The following TGFBRAP1 variants were observed in gnomAD, a reference collection of about 807,000 sequenced individuals.
TGFBRAP1 encodes the protein transforming growth factor-beta receptor-associated protein 1.
In TGFBRAP1, 20 loss-of-function variants were observed where a neutral mutation model predicts 83.2. That is an observed-to-expected ratio of 0.24 (90% confidence interval 0.17 to 0.35). The LOEUF (loss-of-function observed/expected upper bound fraction) is 0.35. TGFBRAP1 is among the 10% of genes least tolerant of loss of function. TGFBRAP1 has a pLI of 1.00. For synonymous variants in TGFBRAP1, 415 were observed against 459.8 expected (o/e 0.90, Z 1.25); for missense variants, 950 against 1,099.4 (o/e 0.86, Z 1.92).
At chr2:105,299,386 T>C (rs1678205661) in intron 2 of TGFBRAP1, among the ~76,000 whole-genome samples, 1 of 152,156 alleles carries the variant, frequency 6.6e-6, no homozygotes, top group Non-Finnish European at 1.5e-5. Context: ...ACAAAGTGAC[T>C]TTCAAATAGG....
rs1278043770 is a variant in TGFBRAP1 at position 105,269,971 on chromosome 2, G to GA, written c.1973-267dup. ...TTCCTTTCTCTAGTGTTCAGAGGAT[G>GA]AAAAGAACAAATGAACCACAACTAC... On this transcript the variant is annotated intron_variant, in intron 10 of 11. Transcript: ENST00000393359. The surrounding 1 kb of genome is among the most constrained non-coding windows in gnomAD (Gnocchi z 4.1). Among the ~76,000 whole-genome samples the GA allele has an allele frequency of 1.3e-5, 2 of 152,176 alleles. No individual in the cohort carries two copies. The highest frequency in any genetic ancestry group is 2.9e-5 in the Non-Finnish European group (2 of 68,032).
At position 105,280,461 on chromosome 2, in the gene TGFBRAP1, C is replaced by T. The variant is rs773353392; in HGVS notation, c.1384G>A (p.Asp462Asn). The change falls in exon 6 of 12, where the codon GAC becomes AAC. Residue 462 changes from aspartate to asparagine, a missense_variant. Asp to Asn is a conservative substitution (Grantham distance 23, BLOSUM62 1). Transcript: ENST00000393359. ...GTGACCAGGAGGTCCAGCAGGCTGT[C>T]GTGGTCAGCCTCTGCATACAGTTTG... ...LLKLYAEADH[D>N]SLLDLLVTEN... The T allele has an allele frequency of 1.2e-5, 20 of 1,614,074 alleles. No individual in the cohort carries two copies. In the East Asian group the frequency reaches 2.5e-4, roughly 20 times the overall value.
Position 105,267,175 on chromosome 2 carries a change from TACATTCATAGAGCCTGGTCA to T in TGFBRAP1, c.*188_*207del. 1 of 33,140 alleles carries T rather than the reference TACATTCATAGAGCCTGGTCA, an allele frequency of 3.0e-5. No homozygotes were observed. The highest frequency in any genetic ancestry group is 5.0e-5 in the Non-Finnish European group (1 of 19,956). The allele number at this position is 33,140 out of a possible 1,614,324, so 2.1% of individuals were successfully genotyped here. A position where few individuals can be genotyped will look rare whatever the true frequency, so the allele number is the denominator to read the frequency against. ...TGGGGATTTTTAGGGGTTTTCCATGTACATTCATAGAGCCTGGTCATTCCATGTACATTCATAGAGCCTGG... is the reference window on the plus strand; with the variant it reads ...TGGGGATTTTTAGGGGTTTTCCATGTTTCCATGTACATTCATAGAGCCTGG... On this transcript the variant is annotated 3_prime_UTR_variant, in exon 12 of 12. Coordinates refer to ENST00000393359, the MANE Select transcript of TGFBRAP1 (RefSeq NM_004257.6).
At chr2:105,305,464 T>C (rs1040655728) in intron 2 of TGFBRAP1, among the ~76,000 whole-genome samples, 1 of 152,168 alleles carries the variant, frequency 6.6e-6, no homozygotes, top group African/African-American at 2.4e-5. Context: ...GTTAAAGCAC[T>C]GATTCTTCAT....
chr2:105,250,890 G>T, the TGFBRAP1 span, among the ~76,000 whole-genome samples: 2 of 152,220 alleles, frequency 1.3e-5, no homozygotes, highest in Non-Finnish European at 2.9e-5. Context: ...TCCTAACCGC[G>T]AGTGATCTGC....
chr2:105,280,372 G>C lies in TGFBRAP1; in HGVS notation c.1463+10C>G, dbSNP rs778782924. 73 of 1,610,334 alleles carry C rather than the reference G, an allele frequency of 4.5e-5. 1 individual carries two copies. The South Asian group carries it at 7.6e-4, about 17-fold the overall frequency. On this transcript the variant is annotated intron_variant, in intron 6 of 11. Coordinates refer to ENST00000393359, the MANE Select transcript of TGFBRAP1 (RefSeq NM_004257.6). Reference sequence around the variant, plus strand: ...GGAAGCCCTGATCATATCAGGAAGGGAACACTCACTTTTTGTGCTTCTCTA... The same window carrying C: ...GGAAGCCCTGATCATATCAGGAAGGCAACACTCACTTTTTGTGCTTCTCTA...
intron 10 of TGFBRAP1, among the ~76,000 whole-genome samples, chr2:105,272,577 A>G (rs1213579098): frequency 1.3e-5 from 2 of 152,178 alleles, no homozygotes; most frequent in East Asian, 3.9e-4. Flanking sequence ...GACTCTGTCA[A>G]AAGAGGCTCA....
At chr2:105,309,866 C>A (rs1033610322) in intron 1 of TGFBRAP1, among the ~76,000 whole-genome samples, 9 of 152,022 alleles carry the variant, frequency 5.9e-5, no homozygotes, top group Non-Finnish European at 1.3e-4. Context: ...GAGGGTGGAG[C>A]CCTTATGAAT....
the TGFBRAP1 span, among the ~76,000 whole-genome samples, chr2:105,253,387 C>A: frequency 5.3e-5 from 8 of 152,146 alleles, no homozygotes; most frequent in Non-Finnish European, 1.2e-4. Context: ...CCTGCCTCGG[C>A]CTCTCAAAGT....
At chr2:105,283,151 A>AG (rs1558635367) in intron 5 of TGFBRAP1, among the ~76,000 whole-genome samples, 1 of 152,190 alleles carries the variant, frequency 6.6e-6, no homozygotes, top group Admixed American at 6.5e-5. Context: ...GGGGCAAAAA[A>AG]CTGACTTAAA....
chr2:105,262,474 G>T (rs554145064), downstream of TGFBRAP1, among the ~76,000 whole-genome samples: 3 of 152,264 alleles, frequency 2.0e-5, no homozygotes, highest in East Asian at 5.8e-4. Flanking sequence ...CCAGCACCAC[G>T]CTTCCTGTAC....
rs115435277 is a variant in TGFBRAP1 at position 105,283,435 on chromosome 2, T to G, written c.1121+881A>C. 8.9e-3 allele frequency among the ~76,000 whole-genome samples: 1,356 copies of G among 152,342 alleles called. 11 individuals carry two copies. Among genetic ancestry groups the G allele is most frequent in the African/African-American group, 0.03 (1,268 of 41,586 alleles). On this transcript the variant is annotated intron_variant, in intron 5 of 11. Transcript: ENST00000393359. ...AGGCAAGGGAGGCATTCTGCTCAAG[T>G]CACTACTTGGATGAAAATATCTATT...
rs755146113 is a variant in TGFBRAP1, at chr2:105,298,493, T to C, written c.883+18A>G. On this transcript the variant is annotated intron_variant, in intron 3 of 11. Transcript: ENST00000393359. Reference sequence around the variant, plus strand: ...AGAGTTAAGTAAATTTCACTAAGACTTCTATGTGAATGAGTACCTTCAAAG... The same window carrying C: ...AGAGTTAAGTAAATTTCACTAAGACCTCTATGTGAATGAGTACCTTCAAAG... 15 of 1,554,458 alleles carry C rather than the reference T, an allele frequency of 9.6e-6. No homozygotes were observed. Among genetic ancestry groups the C allele is most frequent in the African/African-American group, 1.4e-5 (1 of 72,602 alleles).
At chr2:105,308,367 G>GAAACAGAGGCTGCAAT in intron 1 of TGFBRAP1, 49 bp from the exon 2 acceptor site, 1 of 1,479,368 alleles carries the variant, frequency 6.8e-7, no homozygotes, top group Non-Finnish European at 9.0e-7. Context: ...GGAAGAAGCA[G>GAAACAGAGGCTGCAAT]AAACAGAGGC....
chr2:105,300,365 T>C (rs1335719707), intron 2 of TGFBRAP1, among the ~76,000 whole-genome samples: 1 of 151,136 alleles, frequency 6.6e-6, no homozygotes, highest in African/African-American at 2.4e-5. Context: ...CAGTGCATCA[T>C]AAAGATTATT....
At chr2:105,314,647 G>A (rs1678795955) in intron 1 of TGFBRAP1, among the ~76,000 whole-genome samples, 1 of 151,990 alleles carries the variant, frequency 6.6e-6, no homozygotes, top group Non-Finnish European at 1.5e-5. Context: ...AACAAGAATA[G>A]TGATGAAGAA....
At position 105,275,423 on chromosome 2, in the gene TGFBRAP1, G is replaced by A; in HGVS notation, c.1665+137C>T. On this transcript the variant is annotated intron_variant, in intron 8 of 11. Coordinates refer to ENST00000393359, the MANE Select transcript of TGFBRAP1 (RefSeq NM_004257.6). ...GAGCTCAAGGGAAGGTATTAAAAGGGGAATAATAACAACAACAAAAAACAG... is the reference window on the plus strand; with the variant it reads ...GAGCTCAAGGGAAGGTATTAAAAGGAGAATAATAACAACAACAAAAAACAG... 3.6e-6 allele frequency: 5 copies of A among 1,380,992 alleles called. No homozygotes were observed. The South Asian group carries it at 7.9e-5, about 22-fold the overall frequency. 85.5% of individuals were successfully genotyped at this position (1,380,992 alleles called of 1,614,324 possible). A position where few individuals can be genotyped will look rare whatever the true frequency, so the allele number is the denominator to read the frequency against.
chr2:105,312,109 G>T (rs1004329668), intron 1 of TGFBRAP1, among the ~76,000 whole-genome samples: 1 of 151,974 alleles, frequency 6.6e-6, no homozygotes, highest in Non-Finnish European at 1.5e-5. Context: ...AAAAGGAAAC[G>T]TTTCTCTAAG....
chr2:105,263,111 C>A (rs200490455), downstream of TGFBRAP1, among the ~76,000 whole-genome samples: 9 of 152,340 alleles, frequency 5.9e-5, no homozygotes, highest in East Asian at 1.7e-3. Flanking sequence ...TACTCTCTCT[C>A]CAACCACTTA....
Sources: allele counts gnomAD v4.1 joint callset (sites outside exome capture counted in the v4.1 genomes callset), GRCh38; gene constraint gnomAD v4.1.1; non-coding constraint Gnocchi (gnomAD v3.1); transcripts MANE v1.5; gene names NCBI Gene and HGNC (gene_info 2026-07-23, HGNC 2026-07-21).